LARGE1: variants seen among roughly 807,000 people sequenced by gnomAD.
The protein encoded by LARGE1 is xylosyl- and glucuronyltransferase LARGE1.
In LARGE1, 43 loss-of-function variants were observed where a neutral mutation model predicts 87.6. The observed-to-expected ratio is 0.49, with a 90% CI of 0.38 to 0.63. The LOEUF (loss-of-function observed/expected upper bound fraction) is 0.63. LARGE1 is among the 30% of genes least tolerant of loss of function. The pLI is 0.00. For missense variants in LARGE1, 802 were observed against 1,000.2 expected (o/e 0.80, Z 2.67); for synonymous variants, 434 against 394.6 (o/e 1.10, Z -1.18).
At chr22:33,833,676 T>G (rs1174358850) in intron 1 of LARGE1, among the ~76,000 whole-genome samples, 8 of 152,144 alleles carry the variant, frequency 5.3e-5, no homozygotes, top group African/African-American at 1.9e-4. Flanking sequence ...ATTGTCATTT[T>G]TATTTATTTA....
intron 6 of LARGE1, among the ~76,000 whole-genome samples, chr22:33,527,283 A>C (rs2071954591): frequency 6.6e-6 from 1 of 152,168 alleles, no homozygotes; most frequent in African/African-American, 2.4e-5. Flanking sequence ...CCAAGGATAA[A>C]AACCCCTATA....
intron 6 of LARGE1, among the ~76,000 whole-genome samples, chr22:33,512,209 A>C (rs1235837288): frequency 6.6e-6 from 1 of 152,232 alleles, no homozygotes; most frequent in African/African-American, 2.4e-5. Context: ...CAGGAATCAT[A>C]CTATGCTAAT....
intron 6 of LARGE1, among the ~76,000 whole-genome samples, chr22:33,554,158 G>A (rs910949881): frequency 8.5e-5 from 13 of 152,050 alleles, no homozygotes; most frequent in Non-Finnish European, 1.3e-4. Flanking sequence ...CTCAGCATCC[G>A]TTCCGTTGCT....
chr22:33,817,413 A>T (rs898559910), intron 1 of LARGE1, among the ~76,000 whole-genome samples: 6 of 152,206 alleles, frequency 3.9e-5, no homozygotes, highest in Non-Finnish European at 8.8e-5. Context: ...CCCATTTTAC[A>T]GCCATAGACA....
intron 6 of LARGE1, among the ~76,000 whole-genome samples, chr22:33,442,786 A>G (rs981175489): frequency 1.3e-5 from 2 of 148,888 alleles, no homozygotes; most frequent in Non-Finnish European, 3.0e-5. Flanking sequence ...GCACTGGGAT[A>G]CTGATAGCTT....
intron 10 of LARGE1, among the ~76,000 whole-genome samples, chr22:33,327,289 C>T (rs1052413205): frequency 1.3e-5 from 2 of 152,172 alleles, no homozygotes; most frequent in East Asian, 3.8e-4. Flanking sequence ...TTGGAAGTGG[C>T]CTGTCACCTT....
intron 7 of LARGE1, among the ~76,000 whole-genome samples, chr22:33,404,345 G>A (rs1391819642): frequency 6.6e-6 from 1 of 152,172 alleles, no homozygotes; most frequent in Non-Finnish European, 1.5e-5. Context: ...TGCCTCCTAG[G>A]CTGTTTTGAA....
chr22:33,385,890 A>C (rs191235298), intron 7 of LARGE1, among the ~76,000 whole-genome samples: 1 of 148,996 alleles, frequency 6.7e-6, no homozygotes, highest in East Asian at 1.9e-4. Context: ...CTGCATTTCC[A>C]AGACTCTAGG....
intron 9 of LARGE1, among the ~76,000 whole-genome samples, chr22:33,338,919 G>A (rs1938812130): frequency 6.6e-6 from 1 of 152,142 alleles, no homozygotes; most frequent in South Asian, 2.1e-4. Context: ...AGGCTGAGGT[G>A]GGCAGATCAC....
chr22:33,220,946 A>G (rs1382327582), intron 11 of LARGE1, among the ~76,000 whole-genome samples: 1 of 152,024 alleles, frequency 6.6e-6, no homozygotes, highest in African/African-American at 2.4e-5. Flanking sequence ...TGATTTCCCC[A>G]TTCCTCCCTC....
intron 11 of LARGE1, among the ~76,000 whole-genome samples, chr22:33,225,876 G>T (rs1034833414): frequency 1.3e-5 from 2 of 152,108 alleles, no homozygotes; most frequent in Non-Finnish European, 2.9e-5. Context: ...CTATGTTCCT[G>T]CAAAAGACAT....
intron 7 of LARGE1, among the ~76,000 whole-genome samples, chr22:33,416,584 A>T (rs1241576653): frequency 6.6e-6 from 1 of 151,932 alleles, no homozygotes. Flanking sequence ...TGGTGGTGCA[A>T]GTAGACACCC....
chr22:33,459,432 GCT>G (rs1383321425), intron 6 of LARGE1, among the ~76,000 whole-genome samples: 1 of 144,754 alleles, frequency 6.9e-6, no homozygotes, highest in East Asian at 2.0e-4. Context: ...AAGCTCGCTC[GCT>G]CTCTCTCTTT....
chr22:33,764,832 A>G (rs576276761), intron 1 of LARGE1, among the ~76,000 whole-genome samples: 45 of 152,202 alleles, frequency 3.0e-4, no homozygotes, highest in Non-Finnish European at 5.1e-4. Context: ...ATAAATAGTT[A>G]TACCGTATTG....
chr22:33,384,330 G>A, intron 7 of LARGE1, 26 bp from the exon 8 acceptor site: 2 of 1,551,918 alleles, frequency 1.3e-6, no homozygotes, highest in Non-Finnish European at 1.8e-6. Context: ...GGATAAAAGA[G>A]AAAATTAAAA....
chr22:33,709,372 G>T (rs1282338816), intron 2 of LARGE1, among the ~76,000 whole-genome samples: 1 of 152,148 alleles, frequency 6.6e-6, no homozygotes, highest in African/African-American at 2.4e-5. Flanking sequence ...GAGAGCCAAA[G>T]CTGAGGAAGG....
At chr22:33,275,923 A>T (rs970258680) in intron 14 of LARGE1, among the ~76,000 whole-genome samples, 1 of 152,194 alleles carries the variant, frequency 6.6e-6, no homozygotes, top group African/African-American at 2.4e-5. Flanking sequence ...TGCTCATTCA[A>T]AGTATTATAA....
chr22:33,098,059 C>A, the LARGE1 span, among the ~76,000 whole-genome samples: 1 of 152,144 alleles, frequency 6.6e-6, no homozygotes, highest in Admixed American at 6.5e-5. Context: ...GCAATCCCAA[C>A]AATTTGGGAG....
the LARGE1 span, among the ~76,000 whole-genome samples, chr22:33,073,875 A>G: frequency 7.6e-4 from 115 of 152,266 alleles, no homozygotes; most frequent in African/African-American, 2.5e-3. Context: ...ACTCCAGACA[A>G]CAGCCCTGCA....
Sources: allele counts gnomAD v4.1 joint callset (sites outside exome capture counted in the v4.1 genomes callset), GRCh38; gene constraint gnomAD v4.1.1; transcripts MANE v1.5; gene names NCBI Gene and HGNC (gene_info 2026-07-23, HGNC 2026-07-21).